The following PAPPA variants were observed in gnomAD, a reference collection of about 807,000 sequenced individuals.
PAPPA encodes pappalysin-1.
In PAPPA, 60 loss-of-function variants were observed where a neutral mutation model predicts 164.0. That is an observed-to-expected ratio of 0.37 (90% confidence interval 0.30 to 0.45). The LOEUF is 0.45. Ranked by LOEUF, PAPPA falls within the 20% of genes least tolerant of loss-of-function variation. The pLI, the probability that PAPPA is intolerant of heterozygous loss-of-function variation, is 1.00. For synonymous variants in PAPPA, 875 were observed against 814.1 expected (o/e 1.07, Z -1.27); for missense variants, 1,782 against 2,087.3 (o/e 0.85, Z 2.85).
rs77185287 is a variant in PAPPA, at chr9:116,177,151, A to C, written c.416-10003A>C. ...ACTTTCCTCACATACATCCTTCATG[A>C]TGCCCATTTCTTGGATGCTTATTGT... On this transcript the variant is annotated intron_variant, in intron 1 of 21. Coordinates refer to ENST00000328252, the MANE Select transcript of PAPPA (RefSeq NM_002581.5). Among the ~76,000 whole-genome samples the C allele has an allele frequency of 6.3e-3, 963 of 152,218 alleles. 39 individuals are homozygous for C. In the East Asian group the frequency reaches 0.11, roughly 17 times the overall value.
At chr9:116,303,585 G>A (rs1303984426) in intron 10 of PAPPA, among the ~76,000 whole-genome samples, 6 of 152,034 alleles carry the variant, frequency 3.9e-5, no homozygotes, top group Non-Finnish European at 7.4e-5. Context: ...ATGCTGTCCC[G>A]AGAGCCCCCT....
intron 8 of PAPPA, among the ~76,000 whole-genome samples, chr9:116,270,622 C>G (rs961094753): frequency 6.6e-6 from 1 of 152,188 alleles, no homozygotes; most frequent in African/African-American, 2.4e-5. Context: ...TTCTCATCAC[C>G]TAAGCCCAAT....
chr9:116,362,860 A>T, intron 18 of PAPPA, 121 bp downstream of exon 18: 1 of 898,660 alleles, frequency 1.1e-6, no homozygotes, highest in South Asian at 1.8e-5. Context: ...GCACTACAGA[A>T]AGAGAGATGA....
chr9:116,334,789 G>T, intron 12 of PAPPA, 72 bp from the exon 13 acceptor site: 1 of 1,138,624 alleles, frequency 8.8e-7, no homozygotes, highest in South Asian at 1.3e-5. Context: ...TTCGGGAAGG[G>T]CCCGTTGGGG....
At chr9:116,336,612 G>A (rs987300945) in intron 13 of PAPPA, among the ~76,000 whole-genome samples, 4 of 152,152 alleles carry the variant, frequency 2.6e-5, no homozygotes, top group South Asian at 2.1e-4. Context: ...TTGAATTCTC[G>A]ACGAATGGTG....
chr9:116,356,113 T>C (rs1176608940), intron 17 of PAPPA, among the ~76,000 whole-genome samples: 1 of 152,092 alleles, frequency 6.6e-6, no homozygotes, highest in Non-Finnish European at 1.5e-5. Flanking sequence ...AGTCACACAC[T>C]CTCTTCCACT....
intron 7 of PAPPA, among the ~76,000 whole-genome samples, chr9:116,251,227 CAG>C (rs1412439065): frequency 6.6e-6 from 1 of 152,126 alleles, no homozygotes; most frequent in African/African-American, 2.4e-5. Context: ...GTAAATGAAT[CAG>C]AAACATAAGG....
intron 9 of PAPPA, among the ~76,000 whole-genome samples, chr9:116,301,670 C>T (rs1845580557): frequency 6.6e-6 from 1 of 152,202 alleles, no homozygotes; most frequent in South Asian, 2.1e-4. Context: ...CAGCCGGCTG[C>T]AGCTTTAAAT....
At chr9:116,191,104 A>T (rs1489030352) in intron 2 of PAPPA, among the ~76,000 whole-genome samples, 1 of 152,234 alleles carries the variant, frequency 6.6e-6, no homozygotes, top group Non-Finnish European at 1.5e-5. Flanking sequence ...CATGACACAT[A>T]CACTTCAAGC....
intron 1 of PAPPA, among the ~76,000 whole-genome samples, chr9:116,157,757 A>ACAGCCTT (rs774990083): frequency 1.4e-3 from 206 of 152,184 alleles, no homozygotes; most frequent in Non-Finnish European, 9.6e-4. Flanking sequence ...CCACCCACAC[A>ACAGCCTT]CAGCCTTCAG....
intron 21 of PAPPA, among the ~76,000 whole-genome samples, chr9:116,382,846 G>T (rs549951902): frequency 9.9e-5 from 15 of 152,120 alleles, no homozygotes; most frequent in East Asian, 1.9e-4. Context: ...TGAAACTTGA[G>T]GGATAAGAGG....
chr9:116,336,071 G>T (rs1406504547), intron 13 of PAPPA, among the ~76,000 whole-genome samples: 1 of 152,158 alleles, frequency 6.6e-6, no homozygotes. Context: ...GTGTTACCAT[G>T]TAGAATCACA....
chr9:116,179,038 G>C (rs547439199), intron 1 of PAPPA, among the ~76,000 whole-genome samples: 2 of 152,298 alleles, frequency 1.3e-5, no homozygotes, highest in Admixed American at 6.5e-5. Flanking sequence ...TCTCAAGCTT[G>C]CCTCACATCT....
intron 5 of PAPPA, among the ~76,000 whole-genome samples, chr9:116,223,922 A>C (rs1370458212): frequency 6.6e-6 from 1 of 152,192 alleles, no homozygotes; most frequent in African/African-American, 2.4e-5. Context: ...GGCTTTTGTG[A>C]AGAATTTAGC....
chr9:116,219,194 C>G (rs1052873941), intron 4 of PAPPA, among the ~76,000 whole-genome samples: 1 of 152,240 alleles, frequency 6.6e-6, no homozygotes, highest in Non-Finnish European at 1.5e-5. Context: ...TGTCCCTGCA[C>G]CCACCCATGC....
In PAPPA at chr9:116,248,197, G is replaced by T. The variant is rs1169896774; in HGVS notation, c.2732+12560G>T. On this transcript the variant is annotated intron_variant, in intron 7 of 21. Transcript: ENST00000328252. ...ATGCTTCAGTGTTGGGTTAGAAGAA[G>T]GAAAAGATAAATTGTACTTTAACCT... Among the ~76,000 whole-genome samples, 5 of 152,124 alleles carry T rather than the reference G, an allele frequency of 3.3e-5. No homozygotes were observed. In the East Asian group the frequency reaches 9.6e-4, roughly 29 times the overall value.
chr9:116,210,492 A>G (rs748008614), intron 3 of PAPPA, among the ~76,000 whole-genome samples: 7 of 152,308 alleles, frequency 4.6e-5, no homozygotes, highest in Middle Eastern at 3.4e-3. Flanking sequence ...GCTGCTCTAC[A>G]CCTAAAGTAC....
intron 2 of PAPPA, among the ~76,000 whole-genome samples, chr9:116,205,774 T>G (rs1035811236): frequency 2.0e-5 from 3 of 152,168 alleles, no homozygotes; most frequent in Admixed American, 2.0e-4. Context: ...ACCTTAACCC[T>G]CTGAACAGCT....
intron 18 of PAPPA, among the ~76,000 whole-genome samples, chr9:116,364,033 G>T (rs561526682): frequency 1.2e-4 from 19 of 152,312 alleles, no homozygotes; most frequent in African/African-American, 4.3e-4. Flanking sequence ...ATGCTGACCA[G>T]GAGTGTTGCA....
Sources: allele counts gnomAD v4.1 joint callset (sites outside exome capture counted in the v4.1 genomes callset), GRCh38; gene constraint gnomAD v4.1.1; transcripts MANE v1.5; gene names NCBI Gene and HGNC (gene_info 2026-07-23, HGNC 2026-07-21).